The following NEK11 variants were observed in gnomAD, a reference collection of about 807,000 sequenced individuals.
The protein encoded by NEK11 is serine/threonine-protein kinase Nek11.
In NEK11, 72 loss-of-function variants were observed where a neutral mutation model predicts 80.7. That is an observed-to-expected ratio of 0.89 (90% CI 0.74 to 1.08). The LOEUF (loss-of-function observed/expected upper bound fraction) is 1.08, where lower values mean the gene tolerates loss of function less well. Among genes scored for constraint, NEK11 ranks in the 50% least tolerant of loss-of-function variants. The pLI, the probability that NEK11 is intolerant of heterozygous loss-of-function variation, is 0.00. For missense variants in NEK11, 764 were observed against 763.6 expected, an observed-to-expected ratio of 1.00 and a Z score of -0.01; for synonymous variants, 251 against 260.7, an observed-to-expected ratio of 0.96 and a Z score of 0.36.
chr3:131,212,477 C>G (rs1338331660), intron 14 of NEK11, among the ~76,000 whole-genome samples: 1 of 152,212 alleles, frequency 6.6e-6, no homozygotes, highest in Non-Finnish European at 1.5e-5. Context: ...TGTCCATTCT[C>G]AGATCTCAAA....
At chr3:131,234,952 C>T (rs1383050582) in intron 15 of NEK11, among the ~76,000 whole-genome samples, 1 of 151,860 alleles carries the variant, frequency 6.6e-6, no homozygotes, top group East Asian at 1.9e-4. Context: ...TAGGATCACA[C>T]CTACATTTTT....
chr3:131,213,171 AC>A lies in NEK11; in HGVS notation c.1400-15351del, dbSNP rs547033879. On this transcript the variant is annotated intron_variant, in intron 14 of 17. Transcript: ENST00000383366. The stretch of plus-strand genomic sequence containing the variant: ...GCGTGAATGTGAACCAACTCCTTAA[AC>A]CCCCCATGCCACCCATCTCCACACA... Among the ~76,000 whole-genome samples, 511 of 146,988 alleles carry A rather than the reference AC, an allele frequency of 3.5e-3. 2 individuals are homozygous for A. Among genetic ancestry groups the A allele is most frequent in the African/African-American group, 0.012 (468 of 40,018 alleles).
chr3:131,170,659 G>T, intron 13 of NEK11, 114 bp from the exon 14 acceptor site: 1 of 718,348 alleles, frequency 1.4e-6, no homozygotes, highest in Non-Finnish European at 2.5e-6. Context: ...TTAAGGGAGA[G>T]GATTAGGTAG....
chr3:131,301,920 C>T (rs914371753), intron 17 of NEK11, among the ~76,000 whole-genome samples: 1 of 152,006 alleles, frequency 6.6e-6, no homozygotes, highest in Admixed American at 6.6e-5. Context: ...GAATAGTTTC[C>T]ATAGGAATGG....
chr3:131,220,423 A>T (rs1405044893), intron 14 of NEK11, among the ~76,000 whole-genome samples: 6 of 152,162 alleles, frequency 3.9e-5, no homozygotes, highest in Non-Finnish European at 8.8e-5. Context: ...AAATGCTTTG[A>T]TGGCTGTCAT....
intron 14 of NEK11, among the ~76,000 whole-genome samples, chr3:131,213,550 G>A (rs1281061896): frequency 6.6e-6 from 1 of 152,146 alleles, no homozygotes; most frequent in African/African-American, 2.4e-5. Flanking sequence ...GGAGGGAGAG[G>A]CCGCCTATGG....
intron 14 of NEK11, among the ~76,000 whole-genome samples, chr3:131,213,191 CCACACA>C (rs3050805): frequency 3.4e-5 from 5 of 149,104 alleles, no homozygotes; most frequent in South Asian, 2.1e-4. Context: ...CCACCCATCT[CCACACA>C]CACACACACA....
At position 131,158,918 on chromosome 3, in the gene NEK11, G is replaced by C. The variant is rs1294957770; in HGVS notation, c.963-3490G>C. On this transcript the variant is annotated intron_variant, in intron 10 of 17. Transcript: ENST00000383366. ...GTGACCAGCTGTCCAGGAGCACATAGGCCCCCCCAGCGCAATGAGTTGACG... is the reference window on the plus strand; with the variant it reads ...GTGACCAGCTGTCCAGGAGCACATACGCCCCCCCAGCGCAATGAGTTGACG... 2.6e-5 allele frequency among the ~76,000 whole-genome samples: 4 copies of C among 152,108 alleles called. No homozygotes were observed. In the South Asian group the frequency reaches 6.2e-4, roughly 24 times the overall value.
chr3:131,314,958 TGAG>T (rs1391158758), intron 17 of NEK11, among the ~76,000 whole-genome samples: 2 of 152,230 alleles, frequency 1.3e-5, no homozygotes, highest in African/African-American at 4.8e-5. Context: ...TGGAAATTAC[TGAG>T]GAGCTTATTA....
At chr3:131,158,289 C>T (rs1361111539) in intron 10 of NEK11, among the ~76,000 whole-genome samples, 1 of 152,170 alleles carries the variant, frequency 6.6e-6, no homozygotes, top group Non-Finnish European at 1.5e-5. Context: ...ACAGCCACCA[C>T]CCTCCCCATG....
intron 17 of NEK11, among the ~76,000 whole-genome samples, chr3:131,285,019 C>T (rs74755544): frequency 0.064 from 9,674 of 152,206 alleles, 454 homozygotes; most frequent in Non-Finnish European, 0.099. Context: ...TCTAGAGAAC[C>T]CTGAAAAATG....
At chr3:131,223,237 AC>A (rs1431615861) in intron 14 of NEK11, among the ~76,000 whole-genome samples, 1 of 152,210 alleles carries the variant, frequency 6.6e-6, no homozygotes, top group African/African-American at 2.4e-5. Context: ...GAACGGACTT[AC>A]GTTTTTTTTG....
At chr3:131,219,360 A>G (rs898167863) in intron 14 of NEK11, among the ~76,000 whole-genome samples, 3 of 148,790 alleles carry the variant, frequency 2.0e-5, no homozygotes. Context: ...ACATGGACAC[A>G]GGGAGGGGAA....
chr3:131,208,485 T>C (rs1025454500), intron 14 of NEK11, among the ~76,000 whole-genome samples: 2 of 152,254 alleles, frequency 1.3e-5, no homozygotes, highest in Admixed American at 6.5e-5. Flanking sequence ...AAATAGTTTT[T>C]TCCAATTCTG....
intron 17 of NEK11, among the ~76,000 whole-genome samples, chr3:131,312,216 A>G (rs1243521210): frequency 6.6e-6 from 1 of 152,194 alleles, no homozygotes; most frequent in Admixed American, 6.5e-5. Context: ...CCACTAAACA[A>G]TTTTATGATC....
At chr3:131,341,933 G>T (rs997046571) in intron 17 of NEK11, among the ~76,000 whole-genome samples, 5 of 152,146 alleles carry the variant, frequency 3.3e-5, no homozygotes, top group South Asian at 2.1e-4. Flanking sequence ...TTGTTTTTTA[G>T]TCAGTGAGTC....
chr3:131,097,199 G>A (rs530279694), intron 4 of NEK11, among the ~76,000 whole-genome samples: 113 of 152,026 alleles, frequency 7.4e-4, no homozygotes, highest in African/African-American at 2.5e-3. Context: ...AAACATACGT[G>A]TGCATGTGTC....
At chr3:131,196,211 C>A (rs894188119) in intron 14 of NEK11, among the ~76,000 whole-genome samples, 5 of 151,960 alleles carry the variant, frequency 3.3e-5, no homozygotes, top group African/African-American at 9.7e-5. Flanking sequence ...AGTAAAGAAT[C>A]CAGAACATTG....
chr3:131,077,147 G>C (rs537734384), intron 3 of NEK11, among the ~76,000 whole-genome samples: 1 of 152,274 alleles, frequency 6.6e-6, no homozygotes, highest in South Asian at 2.1e-4. Flanking sequence ...AGTCTCCGGG[G>C]ATGCCTCGTT....
Sources: allele counts gnomAD v4.1 joint callset (sites outside exome capture counted in the v4.1 genomes callset), GRCh38; gene constraint gnomAD v4.1.1; transcripts MANE v1.5; gene names NCBI Gene and HGNC (gene_info 2026-07-23, HGNC 2026-07-21).